Variants in CFAP77 observed in about 807,000 individuals in gnomAD.
The protein encoded by CFAP77 is cilia- and flagella-associated protein 77.
Under a neutral mutation model 31.1 loss-of-function variants are expected in CFAP77, and 25 were observed. The observed-to-expected ratio is 0.80, with a 90% CI of 0.59 to 1.12. The LOEUF is 1.12. Among genes scored for constraint, CFAP77 ranks in the 50% most tolerant of loss-of-function variants. The pLI is 0.00. For missense variants in CFAP77, 377 were observed against 397.3 expected (o/e 0.95, Z 0.44); for synonymous variants, 151 against 159.9 (o/e 0.94, Z 0.42).
At chr9:132,436,433 T>G (rs1280084847) in intron 1 of CFAP77, among the ~76,000 whole-genome samples, 1 of 152,252 alleles carries the variant, frequency 6.6e-6, no homozygotes, top group Non-Finnish European at 1.5e-5. Context: ...TTTTTCCAAA[T>G]GAGGTCACAT....
chr9:132,416,892 C>T (rs1015638986), intron 1 of CFAP77, among the ~76,000 whole-genome samples: 2 of 152,094 alleles, frequency 1.3e-5, no homozygotes. Flanking sequence ...CCGCTTCAGC[C>T]TTCCAAAGTG....
chr9:132,556,191 C>T (rs945910090), intron 5 of CFAP77, among the ~76,000 whole-genome samples: 2 of 152,210 alleles, frequency 1.3e-5, no homozygotes, highest in Non-Finnish European at 2.9e-5. Flanking sequence ...CCGTCCCATT[C>T]ACAAAGACAC....
intron 5 of CFAP77, among the ~76,000 whole-genome samples, chr9:132,551,846 G>A (rs943114496): frequency 6.6e-6 from 1 of 152,220 alleles, no homozygotes; most frequent in Non-Finnish European, 1.5e-5. Flanking sequence ...GGGGGCCAGT[G>A]CAGGGCTAAA....
rs750691279 is a variant in CFAP77, at chr9:132,529,507, T to TAAAA, written c.525-8085_525-8082dup. Reference sequence around the variant, plus strand: ...ATGTACCCTAAAACTTAGAGTATAATAAAAAAAAAAAACAAAAAAAAAACT... The same window carrying TAAAA: ...ATGTACCCTAAAACTTAGAGTATAATAAAAAAAAAAAAAAAACAAAAAAAAAACT... On this transcript the variant is annotated intron_variant, in intron 3 of 5. Coordinates refer to ENST00000393216, the MANE Select transcript of CFAP77 (RefSeq NM_001282957.2). Among the ~76,000 whole-genome samples the TAAAA allele has an allele frequency of 2.8e-5, 3 of 108,836 alleles. No individual in the cohort carries two copies. In the East Asian group the frequency reaches 7.6e-4, roughly 27 times the overall value. 71.4% of individuals were successfully genotyped at this position (108,836 alleles called of 152,430 possible).
chr9:132,524,781 T>A (rs976871031), intron 3 of CFAP77, among the ~76,000 whole-genome samples: 2 of 146,982 alleles, frequency 1.4e-5, no homozygotes, highest in Non-Finnish European at 3.0e-5. Flanking sequence ...CCCAAGTAGC[T>A]GGGACTACAG....
At chr9:132,447,655 A>G (rs536528245) in intron 1 of CFAP77, among the ~76,000 whole-genome samples, 46 of 152,254 alleles carry the variant, frequency 3.0e-4, no homozygotes, top group Admixed American at 6.5e-4. Context: ...CGGACCTAAC[A>G]CTCCTCTCAA....
intron 1 of CFAP77, among the ~76,000 whole-genome samples, chr9:132,468,300 T>A (rs560639573): frequency 7.6e-4 from 116 of 152,160 alleles, no homozygotes; most frequent in African/African-American, 2.6e-3. Context: ...GAGCCGAGGT[T>A]GCGCCACTGC....
At chr9:132,491,021 G>A (rs769645103) in intron 1 of CFAP77, among the ~76,000 whole-genome samples, 4 of 152,026 alleles carry the variant, frequency 2.6e-5, no homozygotes, top group Non-Finnish European at 2.9e-5. Context: ...GTGTGGGTGC[G>A]CCCTGCGAGG....
intron 5 of CFAP77, among the ~76,000 whole-genome samples, chr9:132,544,490 AT>A (rs57022259): frequency 0.032 from 3,577 of 111,838 alleles, 63 homozygotes; most frequent in African/African-American, 0.064. Context: ...CTCACTGCCT[AT>A]TTTTTTTTTT....
At chr9:132,560,048 A>G (rs1469179866) in intron 5 of CFAP77, among the ~76,000 whole-genome samples, 1 of 152,192 alleles carries the variant, frequency 6.6e-6, no homozygotes, top group Non-Finnish European at 1.5e-5. Flanking sequence ...GTGACTGCTA[A>G]TGGCTATAAA....
chr9:132,555,949 T>G (rs1852898889), intron 5 of CFAP77, among the ~76,000 whole-genome samples: 1 of 151,800 alleles, frequency 6.6e-6, no homozygotes. Context: ...ATACAGTCCC[T>G]GGCATCAGGC....
In CFAP77 at chr9:132,545,701, A is replaced by G. The variant is rs929216466; in HGVS notation, c.732+2654A>G. On this transcript the variant is annotated intron_variant, in intron 5 of 5. Transcript: ENST00000393216. This position sits in a 1 kb window ranked among gnomAD's most constrained non-coding sequence, Gnocchi z 4.6. ...AGTCGCCTCCTTGTCAGGAAGTAAC[A>G]CCAACAAAAAGTATTTACCGAGCCC... Among the ~76,000 whole-genome samples, 1 of 152,152 alleles carries G rather than the reference A, an allele frequency of 6.6e-6. No homozygotes were observed. Among genetic ancestry groups the G allele is most frequent in the Admixed American group, 6.5e-5 (1 of 15,288 alleles).
chr9:132,549,632 G>A (rs963762998), intron 5 of CFAP77, among the ~76,000 whole-genome samples: 2 of 152,196 alleles, frequency 1.3e-5, no homozygotes, highest in Non-Finnish European at 2.9e-5. Flanking sequence ...GAGGTCAGGA[G>A]TTTGAGACCA....
At position 132,517,542 on chromosome 9, in the gene CFAP77, CAA is replaced by C. The variant is rs1482374956; in HGVS notation, c.524+17943_524+17944del. ...GTACTAAAATCCAGTTTGTCAGACC[CAA>C]GTCTCCCTTCTGAAACACCTTTCAA... On this transcript the variant is annotated intron_variant, in intron 3 of 5. Coordinates refer to ENST00000393216, the MANE Select transcript of CFAP77 (RefSeq NM_001282957.2). This position sits in a 1 kb window ranked among gnomAD's most constrained non-coding sequence, Gnocchi z 4.7. Among the ~76,000 whole-genome samples, 1 of 152,236 alleles carries C rather than the reference CAA, an allele frequency of 6.6e-6. No individual in the cohort carries two copies. The highest frequency in any genetic ancestry group is 2.4e-5 in the African/African-American group (1 of 41,472).
chr9:132,410,268 A>G lies in CFAP77; in HGVS notation c.-4A>G. On this transcript the variant is annotated 5_prime_UTR_variant, in exon 1 of 6. Transcript: ENST00000393216. ...CGCGGGCCGGCTCCCCGGCGACCTC[A>G]AGGATGCCAGAGGCCAGGAGCTCCG... 1 of 1,562,560 alleles carries G rather than the reference A, an allele frequency of 6.4e-7. No homozygotes were observed. Among genetic ancestry groups the G allele is most frequent in the Non-Finnish European group, 8.6e-7 (1 of 1,156,610 alleles).
intron 1 of CFAP77, among the ~76,000 whole-genome samples, chr9:132,435,329 TAAGAGAGAGAAA>T (rs965266043): frequency 6.6e-6 from 1 of 152,208 alleles, no homozygotes; most frequent in Non-Finnish European, 1.5e-5. Context: ...TTTGGGGTTC[TAAGAGAGAGAAA>T]AAGAGAGAGA....
chr9:132,417,110 CT>C (rs1026308651), intron 1 of CFAP77, among the ~76,000 whole-genome samples: 11 of 125,274 alleles, frequency 8.8e-5, no homozygotes, highest in African/African-American at 3.1e-4. Context: ...CTTTTGTTTT[CT>C]TTTTTTCTTT....
At chr9:132,483,714 C>T (rs1851489480) in intron 1 of CFAP77, among the ~76,000 whole-genome samples, 1 of 152,168 alleles carries the variant, frequency 6.6e-6, no homozygotes, top group African/African-American at 2.4e-5. Flanking sequence ...TCCTTCCCAG[C>T]CCAGGGCCCA....
intron 3 of CFAP77, among the ~76,000 whole-genome samples, chr9:132,500,174 GT>G (rs1311809563): frequency 6.8e-6 from 1 of 147,852 alleles, no homozygotes; most frequent in Admixed American, 6.7e-5. Flanking sequence ...AAAAAAACCT[GT>G]CTCTGTCTTC....
Sources: allele counts gnomAD v4.1 joint callset (sites outside exome capture counted in the v4.1 genomes callset), GRCh38; gene constraint gnomAD v4.1.1; non-coding constraint Gnocchi (gnomAD v3.1); transcripts MANE v1.5; gene names NCBI Gene and HGNC (gene_info 2026-07-23, HGNC 2026-07-21).